PLCXD3: variants seen among roughly 807,000 people sequenced by gnomAD.
PLCXD3 encodes the protein PI-PLC X domain-containing protein 3.
A neutral mutation model predicts 25.5 loss-of-function variants in PLCXD3; 19 were observed. The observed-to-expected ratio is 0.75, with a 90% CI of 0.52 to 1.09. The LOEUF is 1.09. PLCXD3 is among the 50% of genes least tolerant of loss of function. The probability of loss-of-function intolerance (pLI) is 0.00; values close to 1 mark genes in which losing one functional copy is unlikely to be tolerated. For missense variants in PLCXD3, 411 were observed against 388.1 expected (o/e 1.06, Z -0.50); for synonymous variants, 174 against 137.6 (o/e 1.26, Z -1.85).
chr5:41,355,678 T>A (rs1744598798), intron 2 of PLCXD3, among the ~76,000 whole-genome samples: 1 of 152,230 alleles, frequency 6.6e-6, no homozygotes, highest in Non-Finnish European at 1.5e-5. Context: ...TGAACATCTT[T>A]GCATTGCCTT....
chr5:41,382,654 G>A (rs13152947), intron 1 of PLCXD3, 120 bp from the exon 2 acceptor site: 9 of 742,688 alleles, frequency 1.2e-5, no homozygotes, highest in Non-Finnish European at 1.7e-5. Flanking sequence ...ACTAAGAAAT[G>A]TAATACTAGT....
At chr5:41,423,482 A>G (rs1400471552) in intron 1 of PLCXD3, among the ~76,000 whole-genome samples, 1 of 152,108 alleles carries the variant, frequency 6.6e-6, no homozygotes, top group African/African-American at 2.4e-5. Flanking sequence ...CATTTCTAGA[A>G]TGATTATTTT....
intron 2 of PLCXD3, among the ~76,000 whole-genome samples, chr5:41,326,827 C>T (rs1023511831): frequency 6.6e-6 from 1 of 151,640 alleles, no homozygotes; most frequent in Non-Finnish European, 1.5e-5. Flanking sequence ...ATATTGTATT[C>T]ATTAATACAT....
chr5:41,470,629 C>G (rs1748131953), intron 1 of PLCXD3, among the ~76,000 whole-genome samples: 1 of 152,156 alleles, frequency 6.6e-6, no homozygotes, highest in Non-Finnish European at 1.5e-5. Context: ...TGCCACTAAA[C>G]AGTAAAAATG....
At chr5:41,335,378 A>G (rs1401071300) in intron 2 of PLCXD3, among the ~76,000 whole-genome samples, 2 of 152,152 alleles carry the variant, frequency 1.3e-5, no homozygotes, top group Admixed American at 6.6e-5. Context: ...TATTAGAGGC[A>G]GTAATGTTGA....
intron 1 of PLCXD3, among the ~76,000 whole-genome samples, chr5:41,455,155 G>A (rs1415528181): frequency 6.6e-6 from 1 of 151,820 alleles, no homozygotes; most frequent in Non-Finnish European, 1.5e-5. Context: ...AGATTTAGGT[G>A]GGGACACAAA....
At chr5:41,403,999 A>G (rs987480488) in intron 1 of PLCXD3, among the ~76,000 whole-genome samples, 7 of 152,182 alleles carry the variant, frequency 4.6e-5, no homozygotes, top group African/African-American at 7.2e-5. Context: ...TGGTTGCTCA[A>G]TAAAGAAAAG....
intron 1 of PLCXD3, among the ~76,000 whole-genome samples, chr5:41,443,962 C>T (rs1156886615): frequency 1.3e-5 from 2 of 152,176 alleles, no homozygotes; most frequent in Non-Finnish European, 2.9e-5. Context: ...TTGGACTCTG[C>T]TTTTCTCATA....
At position 41,453,938 on chromosome 5, in the gene PLCXD3, T is replaced by A. The variant is rs1443298356; in HGVS notation, c.103+56486A>T. Among the ~76,000 whole-genome samples the A allele has an allele frequency of 4.6e-5, 7 of 152,094 alleles. No homozygotes were observed. In the East Asian group the frequency reaches 1.4e-3, roughly 29 times the overall value. On this transcript the variant is annotated intron_variant, in intron 1 of 2. Transcript: ENST00000377801. Reference sequence around the variant, plus strand: ...GCCATGACTTTTAGGCTTCTATATTTCAATTTTCCAAACATCCAACTCTGC... The same window carrying A: ...GCCATGACTTTTAGGCTTCTATATTACAATTTTCCAAACATCCAACTCTGC...
chr5:41,332,496 G>T (rs1165688361), intron 2 of PLCXD3, among the ~76,000 whole-genome samples: 1 of 152,108 alleles, frequency 6.6e-6, no homozygotes, highest in African/African-American at 2.4e-5. Flanking sequence ...ACTGTTGGTG[G>T]GACTGTAAAC....
intron 2 of PLCXD3, among the ~76,000 whole-genome samples, chr5:41,365,726 G>A (rs921523429): frequency 1.5e-4 from 23 of 152,090 alleles, no homozygotes; most frequent in African/African-American, 4.6e-4. Flanking sequence ...TACCATCCTA[G>A]TATCAAGCGG....
chr5:41,382,215 G>T lies in PLCXD3; in HGVS notation c.423C>A (p.Phe141Leu), dbSNP rs1745484825. The T allele has an allele frequency of 6.2e-7, 1 of 1,613,754 alleles. No homozygotes were observed. The highest frequency in any genetic ancestry group is 8.5e-7 in the Non-Finnish European group (1 of 1,179,790). Residue 141 changes from phenylalanine to leucine, a missense_variant, in exon 2 of 3, where the codon TTC (phenylalanine) becomes TTA (leucine). Coordinates refer to ENST00000377801, the MANE Select transcript of PLCXD3 (RefSeq NM_001005473.3). ...TCCCATAAAAGTGGTTGAAGTCCAAGAACACTACCTCCTTATGGTGATCTG... is the reference window on the plus strand; with the variant it reads ...TCCCATAAAAGTGGTTGAAGTCCAATAACACTACCTCCTTATGGTGATCTG... Reference protein sequence around the residue: ...FLTDHHKEVVFLDFNHFYGMQ... With the variant: ...FLTDHHKEVVLLDFNHFYGMQ...
intron 1 of PLCXD3, among the ~76,000 whole-genome samples, chr5:41,448,981 C>T (rs1026779582): frequency 6.6e-6 from 1 of 152,178 alleles, no homozygotes; most frequent in African/African-American, 2.4e-5. Flanking sequence ...CCTTTCTGCA[C>T]CTGCAAAACT....
At chr5:41,491,438 T>G (rs1748667672) in intron 1 of PLCXD3, among the ~76,000 whole-genome samples, 1 of 152,236 alleles carries the variant, frequency 6.6e-6, no homozygotes, top group Non-Finnish European at 1.5e-5. Context: ...GTTCTGTAGA[T>G]GTCTATTAGG....
intron 2 of PLCXD3, among the ~76,000 whole-genome samples, chr5:41,358,279 G>C (rs1383987961): frequency 6.6e-6 from 1 of 152,166 alleles, no homozygotes; most frequent in Non-Finnish European, 1.5e-5. Context: ...TGTCCAGAGT[G>C]AATGCTTTGG....
intron 2 of PLCXD3, among the ~76,000 whole-genome samples, chr5:41,363,530 G>A (rs994154669): frequency 6.6e-6 from 1 of 152,068 alleles, no homozygotes; most frequent in Non-Finnish European, 1.5e-5. Flanking sequence ...TACCCATGGA[G>A]ATGACTGTTC....
intron 2 of PLCXD3, among the ~76,000 whole-genome samples, chr5:41,379,038 T>G (rs559864247): frequency 2.0e-5 from 3 of 152,210 alleles, no homozygotes; most frequent in East Asian, 3.9e-4. Flanking sequence ...AAGCAAGTGT[T>G]TTGCTAAGCA....
chr5:41,375,937 C>T (rs2150490558), intron 2 of PLCXD3, among the ~76,000 whole-genome samples: 1 of 152,228 alleles, frequency 6.6e-6, no homozygotes, highest in African/African-American at 2.4e-5. Flanking sequence ...CTCTCAGCCT[C>T]AATTTCCACC....
At chr5:41,361,482 A>T (rs1744777957) in intron 2 of PLCXD3, among the ~76,000 whole-genome samples, 1 of 152,186 alleles carries the variant, frequency 6.6e-6, no homozygotes, top group Admixed American at 6.5e-5. Flanking sequence ...TCATGATGTG[A>T]GTCTCCACAT....
Sources: allele counts gnomAD v4.1 joint callset (sites outside exome capture counted in the v4.1 genomes callset), GRCh38; gene constraint gnomAD v4.1.1; transcripts MANE v1.5; gene names NCBI Gene and HGNC (gene_info 2026-07-23, HGNC 2026-07-21).